The following WDSUB1 variants were observed in gnomAD, a reference collection of about 807,000 sequenced individuals.
WDSUB1 encodes WD repeat, SAM and U-box domain-containing protein 1.
In WDSUB1, 49 loss-of-function variants were observed where a neutral mutation model predicts 53.9. That is an observed-to-expected ratio of 0.91 (90% confidence interval 0.72 to 1.15). WDSUB1 has a LOEUF of 1.15. WDSUB1 is among the 50% of genes most tolerant of loss of function. The pLI, the probability that WDSUB1 is intolerant of heterozygous loss-of-function variation, is 0.00. For missense variants in WDSUB1, 514 were observed against 562.0 expected (o/e 0.91, Z 0.86); for synonymous variants, 194 against 200.6 (o/e 0.97, Z 0.28).
At chr2:159,240,850 A>T (rs557716765) in intron 10 of WDSUB1, among the ~76,000 whole-genome samples, 12 of 152,250 alleles carry the variant, frequency 7.9e-5, no homozygotes, top group South Asian at 4.2e-4. Flanking sequence ...CTGAAATTTT[A>T]AAAAAATCTC....
chr2:159,262,519 A>G (rs1045876896), intron 5 of WDSUB1, among the ~76,000 whole-genome samples: 5 of 59,106 alleles, frequency 8.5e-5, no homozygotes, highest in African/African-American at 1.7e-4. Flanking sequence ...GAATCCATGG[A>G]AAAAAAAACA....
intron 9 of WDSUB1, among the ~76,000 whole-genome samples, chr2:159,254,680 A>G (rs956620298): frequency 4.6e-5 from 7 of 152,244 alleles, no homozygotes; most frequent in Non-Finnish European, 8.8e-5. Context: ...ATTATTTCAT[A>G]TTGTGAAGTA....
intron 10 of WDSUB1, among the ~76,000 whole-genome samples, chr2:159,243,202 C>T (rs1051809093): frequency 2.0e-5 from 3 of 147,728 alleles, no homozygotes; most frequent in Non-Finnish European, 4.4e-5. Flanking sequence ...ACAGGGATTA[C>T]GCTAAGAAAA....
chr2:159,284,094 G>A (rs918896489), intron 1 of WDSUB1, among the ~76,000 whole-genome samples: 27 of 152,174 alleles, frequency 1.8e-4, no homozygotes, highest in East Asian at 1.9e-4. Flanking sequence ...TAACCAGCGT[G>A]AGCCACCGTA....
chr2:159,264,759 C>T (rs1032956842), intron 5 of WDSUB1, among the ~76,000 whole-genome samples: 6 of 152,096 alleles, frequency 3.9e-5, no homozygotes, highest in Non-Finnish European at 5.9e-5. Context: ...TACCCAGTCC[C>T]GTATTGCCCT....
chr2:159,278,394 G>A (rs964503977), intron 3 of WDSUB1, among the ~76,000 whole-genome samples: 2 of 152,144 alleles, frequency 1.3e-5, no homozygotes, highest in African/African-American at 4.8e-5. Flanking sequence ...TCTGTATCAG[G>A]CACGATGAAG....
chr2:159,284,513 C>A (rs894560853), intron 1 of WDSUB1, among the ~76,000 whole-genome samples: 3 of 152,138 alleles, frequency 2.0e-5, no homozygotes, highest in Non-Finnish European at 4.4e-5. Flanking sequence ...ACAAAAGTCT[C>A]ATTGAAAATT....
intron 10 of WDSUB1, among the ~76,000 whole-genome samples, chr2:159,237,448 G>A (rs571741548): frequency 2.6e-5 from 4 of 151,978 alleles, no homozygotes; most frequent in East Asian, 1.9e-4. Context: ...TTGAGCCCGC[G>A]AGACAGAGGT....
chr2:159,247,536 C>A (rs2060826621), intron 10 of WDSUB1, among the ~76,000 whole-genome samples: 2 of 151,990 alleles, frequency 1.3e-5, no homozygotes, highest in African/African-American at 4.8e-5. Flanking sequence ...TGGCAGCACT[C>A]TAAACTGTTT....
chr2:159,260,042 G>A (rs778199396), intron 5 of WDSUB1, among the ~76,000 whole-genome samples, 199 bp from the exon 6 acceptor site: 4 of 152,122 alleles, frequency 2.6e-5, no homozygotes, highest in Non-Finnish European at 5.9e-5. Context: ...AGCGGCTCAC[G>A]CCTGTAATCC....
chr2:159,247,504 C>G (rs1450670845), intron 10 of WDSUB1, among the ~76,000 whole-genome samples: 5 of 151,830 alleles, frequency 3.3e-5, no homozygotes, highest in Non-Finnish European at 4.4e-5. Context: ...ACTGGAAAAC[C>G]AGGTACAATT....
intron 9 of WDSUB1, among the ~76,000 whole-genome samples, chr2:159,255,923 T>C (rs718572): frequency 0.25 from 38,662 of 152,096 alleles, 6,549 homozygotes; most frequent in Non-Finnish European, 0.39. Flanking sequence ...ACAACCCAGT[T>C]TAAAAATGGG....
At chr2:159,258,345 T>C (rs191209025) in intron 6 of WDSUB1, among the ~76,000 whole-genome samples, 13 of 152,286 alleles carry the variant, frequency 8.5e-5, no homozygotes, top group African/African-American at 2.2e-4. Context: ...CTTGTATACA[T>C]TGCAGGACCA....
intron 5 of WDSUB1, among the ~76,000 whole-genome samples, chr2:159,263,610 A>T (rs891313544): frequency 1.3e-5 from 2 of 152,182 alleles, no homozygotes; most frequent in African/African-American, 4.8e-5. Context: ...AAAGGACATG[A>T]AGCCCTCAGA....
chr2:159,267,749 C>T (rs2151119096), intron 5 of WDSUB1, among the ~76,000 whole-genome samples: 1 of 152,246 alleles, frequency 6.6e-6, no homozygotes, highest in Admixed American at 6.5e-5. Flanking sequence ...TCTATCTTAT[C>T]ATTGACTTTT....
intron 5 of WDSUB1, among the ~76,000 whole-genome samples, chr2:159,263,140 A>G (rs898656317): frequency 6.6e-6 from 1 of 152,108 alleles, no homozygotes; most frequent in Non-Finnish European, 1.5e-5. Flanking sequence ...GACGTGGTGT[A>G]ATCACAGACT....
chr2:159,247,541 CTG>C (rs2060826886), intron 10 of WDSUB1, among the ~76,000 whole-genome samples: 3 of 152,166 alleles, frequency 2.0e-5, no homozygotes, highest in Non-Finnish European at 2.9e-5. Flanking sequence ...GCACTCTAAA[CTG>C]TTTTTTTTTC....
intron 10 of WDSUB1, among the ~76,000 whole-genome samples, chr2:159,242,136 T>G (rs909074452): frequency 4.8e-5 from 7 of 146,864 alleles, no homozygotes; most frequent in Admixed American, 4.6e-4. Flanking sequence ...CTGCAAGCTC[T>G]GCCTCCTGGG....
chr2:159,245,307 C>T lies in WDSUB1; in HGVS notation c.1273+3065G>A, dbSNP rs139622293. Among the ~76,000 whole-genome samples, 68 of 152,104 alleles carry T rather than the reference C, an allele frequency of 4.5e-4. No homozygotes were observed. The East Asian group carries it at 9.5e-3, about 21-fold the overall frequency. On this transcript the variant is annotated intron_variant, in intron 10 of 10. Coordinates refer to ENST00000359774, the MANE Select transcript of WDSUB1 (RefSeq NM_001128212.3). ...TTTGGAAAGCCAAAGGAGGACAGACCCCCTGAGGCCAGCAGTTCAAGACCA... is the reference window on the plus strand; with the variant it reads ...TTTGGAAAGCCAAAGGAGGACAGACTCCCTGAGGCCAGCAGTTCAAGACCA...
Sources: allele counts gnomAD v4.1 joint callset (sites outside exome capture counted in the v4.1 genomes callset), GRCh38; gene constraint gnomAD v4.1.1; transcripts MANE v1.5; gene names NCBI Gene and HGNC (gene_info 2026-07-23, HGNC 2026-07-21).